Variants in UBR1 observed in about 807,000 individuals in gnomAD.
The protein encoded by UBR1 is ubiquitin protein ligase E3 component n-recognin 1.
In UBR1, 102 loss-of-function variants were observed where a neutral mutation model predicts 242.1. The ratio of observed to expected loss-of-function variants is 0.42; its 90% CI spans 0.36 to 0.50. UBR1 has a LOEUF of 0.50. Among genes scored for constraint, UBR1 ranks in the 20% least tolerant of loss-of-function variants. UBR1 has a pLI of 0.01. For synonymous variants in UBR1, 675 were observed against 684.8 expected (o/e 0.99, Z 0.22); for missense variants, 1,772 against 2,101.8 (o/e 0.84, Z 3.07).
intron 3 of UBR1, among the ~76,000 whole-genome samples, chr15:43,076,767 G>A (rs2033904484): frequency 7.1e-6 from 1 of 141,062 alleles, no homozygotes; most frequent in South Asian, 2.4e-4. Context: ...CGTCCGGGAG[G>A]GAGGTGGGAG....
At chr15:43,044,268 T>C (rs149433671) in intron 14 of UBR1, among the ~76,000 whole-genome samples, 25 of 152,290 alleles carry the variant, frequency 1.6e-4, no homozygotes, top group Non-Finnish European at 2.8e-4. Flanking sequence ...TTAATGTGGG[T>C]CATTGAAGAT....
chr15:43,096,985 C>G (rs972882906), intron 1 of UBR1, among the ~76,000 whole-genome samples: 2 of 151,846 alleles, frequency 1.3e-5, no homozygotes, highest in African/African-American at 4.8e-5. Context: ...GAATCCTTTC[C>G]AAAAGTTTTT....
At chr15:43,083,349 T>A (rs1321934295) in intron 2 of UBR1, among the ~76,000 whole-genome samples, 1 of 152,158 alleles carries the variant, frequency 6.6e-6, no homozygotes, top group Non-Finnish European at 1.5e-5. Context: ...AAGAACAATA[T>A]AAATTAGTGC....
chr15:43,017,907 T>C (rs1461336380), intron 27 of UBR1, among the ~76,000 whole-genome samples: 1 of 152,072 alleles, frequency 6.6e-6, no homozygotes, highest in Non-Finnish European at 1.5e-5. Flanking sequence ...TACATCTATT[T>C]TCATAAAAAG....
rs1221632149 is a variant in UBR1 at position 42,964,021 on chromosome 15, A to G, written c.4614T>C (p.Ser1538=). 2 of 1,612,770 alleles carry G rather than the reference A, an allele frequency of 1.2e-6. No homozygotes were observed. Among genetic ancestry groups the G allele is most frequent in the Admixed American group, 1.7e-5 (1 of 59,990 alleles). Residue 1538 remains serine (S), a synonymous_variant, in exon 42 of 47, where the codon AGT becomes AGC. Coordinates refer to ENST00000290650, the MANE Select transcript of UBR1 (RefSeq NM_174916.3). ...GTAAAGATAGATAGCTACAGAGTGCACTGTACTCTCCTTCTGCAGAATCTG... is the reference window on the plus strand; with the variant it reads ...GTAAAGATAGATAGCTACAGAGTGCGCTGTACTCTCCTTCTGCAGAATCTG... ...LHTNSAEGEY[S]ALCSYLSLPT...
intron 40 of UBR1, among the ~76,000 whole-genome samples, chr15:42,969,203 T>C (rs1269979972): frequency 1.3e-5 from 2 of 152,192 alleles, no homozygotes; most frequent in Non-Finnish European, 2.9e-5. Flanking sequence ...TTTTAATGAT[T>C]GCCATTCTAA....
At chr15:42,949,680 T>C (rs1373453992) in intron 46 of UBR1, among the ~76,000 whole-genome samples, 1 of 150,912 alleles carries the variant, frequency 6.6e-6, no homozygotes. Flanking sequence ...ATGCCTGTAG[T>C]CCCAGCTACT....
chr15:43,077,851 G>A (rs988112586), intron 3 of UBR1, among the ~76,000 whole-genome samples: 3 of 152,068 alleles, frequency 2.0e-5, no homozygotes, highest in Non-Finnish European at 4.4e-5. Flanking sequence ...GGTAGAGGAT[G>A]ATGGCAACAA....
chr15:43,060,241 A>T (rs2033666656), intron 6 of UBR1, 127 bp from the exon 7 acceptor site: 3 of 875,528 alleles, frequency 3.4e-6, no homozygotes, highest in Admixed American at 1.8e-5. Context: ...AAGTTGTAAG[A>T]TACCGGAACA....
chr15:43,067,108 A>C (rs926815628), intron 6 of UBR1, among the ~76,000 whole-genome samples: 2 of 152,240 alleles, frequency 1.3e-5, no homozygotes, highest in African/African-American at 4.8e-5. Flanking sequence ...TATCAGTCTC[A>C]AAGAGTTGAC....
Position 42,976,804 on chromosome 15 carries a change from A to T in UBR1, c.4282T>A (p.Ser1428Thr), listed in dbSNP as rs769639574. Residue 1428 changes from serine (S) to threonine (T), a missense_variant, in exon 39 of 47, where the codon TCA becomes ACA. Transcript: ENST00000290650. ...AGGTGGTTATAGGAAGAACTAACTG[A>T]AGAAGGCTGCAGATCAACAGGGTCA... ...WDDPVDLQPSSVSSSYNHLYL... is the reference protein window; with the variant it reads ...WDDPVDLQPSTVSSSYNHLYL... The T allele has an allele frequency of 1.9e-6, 3 of 1,614,130 alleles. No homozygotes were observed. Among genetic ancestry groups the T allele is most frequent in the Non-Finnish European group, 2.5e-6 (3 of 1,180,000 alleles).
intron 19 of UBR1, among the ~76,000 whole-genome samples, chr15:43,034,290 A>G (rs868352861): frequency 1.1e-4 from 16 of 142,636 alleles, no homozygotes; most frequent in East Asian, 2.1e-4. Flanking sequence ...ATAGATAAAT[A>G]AATGAGCTGG....
At chr15:43,068,383 C>T (rs550268868) in intron 5 of UBR1, among the ~76,000 whole-genome samples, 13 of 151,620 alleles carry the variant, frequency 8.6e-5, no homozygotes, top group Non-Finnish European at 1.3e-4. Context: ...AGAGATGCTT[C>T]GCCATTTTCT....
chr15:42,961,487 G>A lies in UBR1; in HGVS notation c.4701-786C>T, dbSNP rs149171448. ...CACCCAGGCTGGAGTGCAATGGCGC[G>A]ATCTTGGCTCACTGCAACTTCTGCC... On this transcript the variant is annotated intron_variant, in intron 42 of 46. Transcript: ENST00000290650. 3.6e-3 allele frequency among the ~76,000 whole-genome samples: 540 copies of A among 149,258 alleles called. 2 individuals are homozygous for A. Among genetic ancestry groups the A allele is most frequent in the African/African-American group, 0.012 (497 of 40,388 alleles).
chr15:43,097,190 G>A (rs980344338), intron 1 of UBR1, among the ~76,000 whole-genome samples: 1 of 152,076 alleles, frequency 6.6e-6, no homozygotes, highest in African/African-American at 2.4e-5. Flanking sequence ...GCTTTTGGGT[G>A]ACCAAATGTA....
chr15:42,945,368 A>G lies in UBR1; in HGVS notation c.5211T>C (p.Thr1737=). The G allele has an allele frequency of 6.2e-7, 1 of 1,614,212 alleles. No homozygotes were observed. Residue 1737 remains threonine (T), a synonymous_variant, in exon 47 of 47, where the codon ACT becomes ACC. Transcript: ENST00000290650. ...AGTTGAATCCAAATAACATCTGATT[A>G]GTCTCTTGGCTCCTAGCAATCTCTT... ...IIEEIARSQE[T]NQMLFGFNWQ...
intron 33 of UBR1, among the ~76,000 whole-genome samples, chr15:42,992,528 C>T (rs988132795): frequency 6.6e-6 from 1 of 152,132 alleles, no homozygotes; most frequent in African/African-American, 2.4e-5. Context: ...TTTGATCTGC[C>T]CAGCACATGT....
intron 12 of UBR1, among the ~76,000 whole-genome samples, chr15:43,053,629 G>T (rs992836456): frequency 5.3e-5 from 8 of 152,124 alleles, no homozygotes; most frequent in Non-Finnish European, 1.0e-4. Context: ...ATCCCGCTCT[G>T]TTGCCCAGGC....
chr15:43,006,552 G>T (rs959760614), intron 30 of UBR1, among the ~76,000 whole-genome samples: 25 of 152,282 alleles, frequency 1.6e-4, no homozygotes, highest in Admixed American at 6.5e-4. Context: ...TTACAGGCGT[G>T]AGCCACCATG....
Sources: allele counts gnomAD v4.1 joint callset (sites outside exome capture counted in the v4.1 genomes callset), GRCh38; gene constraint gnomAD v4.1.1; transcripts MANE v1.5; gene names NCBI Gene and HGNC (gene_info 2026-07-23, HGNC 2026-07-21).